The following MTUS2 variants were observed in gnomAD, a reference collection of about 807,000 sequenced individuals.
The protein encoded by MTUS2 is microtubule associated scaffold protein 2.
MTUS2 carries 40 observed loss-of-function variants against 114.1 expected under a neutral mutation model. The ratio of observed to expected loss-of-function variants is 0.35; its 90% CI spans 0.27 to 0.46. The LOEUF is 0.46. Ranked by LOEUF, MTUS2 falls within the 20% of genes least tolerant of loss-of-function variation. MTUS2 has a pLI of 1.00. For missense variants in MTUS2, 1,679 were observed against 1,705.4 expected (o/e 0.98, Z 0.27); for synonymous variants, 688 against 672.0 (o/e 1.02, Z -0.37).
At chr13:29,419,317 G>T (rs539250215) in intron 8 of MTUS2, among the ~76,000 whole-genome samples, 1 of 152,176 alleles carries the variant, frequency 6.6e-6, no homozygotes, top group Non-Finnish European at 1.5e-5. Flanking sequence ...CCTCAGGAGA[G>T]ACCATTACAG....
intron 2 of MTUS2, among the ~76,000 whole-genome samples, chr13:29,021,524 A>C (rs995235508): frequency 1.3e-5 from 2 of 152,164 alleles, no homozygotes; most frequent in Non-Finnish European, 2.9e-5. Context: ...TCTGCTGAGC[A>C]AAGTTTCTTT....
At chr13:29,388,013 G>A (rs779628722) in intron 8 of MTUS2, among the ~76,000 whole-genome samples, 1 of 152,092 alleles carries the variant, frequency 6.6e-6, no homozygotes, top group Non-Finnish European at 1.5e-5. Context: ...ACAAAACTTT[G>A]TGTTGCAATA....
chr13:29,288,835 A>G (rs917860177), intron 6 of MTUS2, among the ~76,000 whole-genome samples: 1 of 152,210 alleles, frequency 6.6e-6, no homozygotes, highest in Non-Finnish European at 1.5e-5. Context: ...ATGCCTGTCC[A>G]TCATCACAGA....
At chr13:28,882,624 T>C (rs113032552) in intron 2 of MTUS2, among the ~76,000 whole-genome samples, 13,115 of 151,952 alleles carry the variant, frequency 0.086, 1,836 homozygotes, top group African/African-American at 0.3. Context: ...GTAGTCTCAA[T>C]TACTCAGGAG....
intron 8 of MTUS2, among the ~76,000 whole-genome samples, chr13:29,428,235 A>T (rs1876691647): frequency 6.6e-6 from 1 of 152,274 alleles, no homozygotes; most frequent in Admixed American, 6.5e-5. Flanking sequence ...GAAGAGTTTC[A>T]TGGGAGGAGA....
chr13:28,999,766 T>C (rs1885298685), intron 2 of MTUS2, among the ~76,000 whole-genome samples: 1 of 152,174 alleles, frequency 6.6e-6, no homozygotes, highest in African/African-American at 2.4e-5. Flanking sequence ...CTTCTCCTCA[T>C]CCTCTTCTGC....
At chr13:29,385,993 C>T (rs962816175) in intron 8 of MTUS2, among the ~76,000 whole-genome samples, 1 of 152,088 alleles carries the variant, frequency 6.6e-6, no homozygotes, top group Non-Finnish European at 1.5e-5. Flanking sequence ...CTTGGACCCT[C>T]AGTAAATGTG....
intron 9 of MTUS2, among the ~76,000 whole-genome samples, chr13:29,460,890 C>T (rs1375644744): frequency 1.4e-5 from 2 of 145,400 alleles, no homozygotes; most frequent in Non-Finnish European, 3.0e-5. Context: ...GGAAAGTCAA[C>T]AATCTAAAAA....
intron 2 of MTUS2, among the ~76,000 whole-genome samples, chr13:28,892,972 C>G (rs1879023984): frequency 6.6e-6 from 1 of 152,042 alleles, no homozygotes; most frequent in African/African-American, 2.4e-5. Context: ...TGTGAGGAGT[C>G]TTGGGGTGGT....
chr13:28,959,041 G>T (rs1451690013), intron 2 of MTUS2, among the ~76,000 whole-genome samples: 1 of 152,182 alleles, frequency 6.6e-6, no homozygotes, highest in Admixed American at 6.5e-5. Flanking sequence ...GAACACAGTG[G>T]TGGGGGTCCC....
intron 8 of MTUS2, among the ~76,000 whole-genome samples, chr13:29,373,809 G>A (rs1016991186): frequency 2.0e-5 from 3 of 152,202 alleles, no homozygotes; most frequent in Non-Finnish European, 4.4e-5. Flanking sequence ...TATTCAAAAT[G>A]CTTAGAACAC....
chr13:29,360,598 G>A (rs1260978389), intron 8 of MTUS2, among the ~76,000 whole-genome samples: 1 of 150,946 alleles, frequency 6.6e-6, no homozygotes, highest in Non-Finnish European at 1.5e-5. Flanking sequence ...AACCCCAGCA[G>A]AAAATGGCCA....
At chr13:28,882,677 C>G (rs972508443) in intron 2 of MTUS2, among the ~76,000 whole-genome samples, 3 of 152,132 alleles carry the variant, frequency 2.0e-5, no homozygotes, top group Non-Finnish European at 2.9e-5. Flanking sequence ...TTTGAGGCTG[C>G]AGTGAGCCAT....
chr13:29,427,960 T>C (rs1407172378), intron 8 of MTUS2, among the ~76,000 whole-genome samples: 2 of 152,256 alleles, frequency 1.3e-5, no homozygotes, highest in Non-Finnish European at 2.9e-5. Flanking sequence ...TCTTTCCTTT[T>C]CTGATTTTTA....
intron 4 of MTUS2, among the ~76,000 whole-genome samples, chr13:29,048,610 A>T (rs978459172): frequency 3.3e-5 from 5 of 152,210 alleles, no homozygotes; most frequent in Non-Finnish European, 5.9e-5. Context: ...CTAGGACTAT[A>T]GGCATGTACC....
chr13:29,256,893 T>C (rs934879884), intron 5 of MTUS2, among the ~76,000 whole-genome samples: 3 of 152,212 alleles, frequency 2.0e-5, no homozygotes, highest in African/African-American at 7.2e-5. Context: ...AAACCAACAA[T>C]GACTTGTCAA....
intron 8 of MTUS2, among the ~76,000 whole-genome samples, chr13:29,416,152 C>A (rs914563226): frequency 2.7e-5 from 4 of 145,826 alleles, no homozygotes; most frequent in Non-Finnish European, 4.5e-5. Flanking sequence ...TGGTCTTGAA[C>A]TCTTGACCTC....
intron 4 of MTUS2, among the ~76,000 whole-genome samples, chr13:29,061,157 A>G (rs1888400840): frequency 6.6e-6 from 1 of 152,148 alleles, no homozygotes; most frequent in Non-Finnish European, 1.5e-5. Flanking sequence ...CTTGTTTGAT[A>G]CTGTATATTG....
intron 5 of MTUS2, among the ~76,000 whole-genome samples, chr13:29,179,886 G>T (rs1893926600): frequency 6.6e-6 from 1 of 152,028 alleles, no homozygotes; most frequent in African/African-American, 2.4e-5. Context: ...TTTAAGGATG[G>T]GTTATAAATA....
Sources: gnomAD v4.1 joint callset for allele counts (sites outside exome capture counted in the v4.1 genomes callset) on GRCh38, gnomAD v4.1.1 for gene constraint, MANE v1.5 for transcripts, NCBI Gene and HGNC (gene_info 2026-07-23, HGNC 2026-07-21) for gene names.